PPM1A: variants seen among roughly 807,000 people sequenced by gnomAD.
PPM1A encodes protein phosphatase, Mg2+/Mn2+ dependent 1A, also known as protein phosphatase 1A.
In PPM1A, 7 loss-of-function variants were observed where a neutral mutation model predicts 35.0. The ratio of observed to expected loss-of-function variants is 0.20; its 90% CI spans 0.11 to 0.38. The LOEUF is 0.38. Ranked by LOEUF, PPM1A falls within the 10% of genes least tolerant of loss-of-function variation. PPM1A has a pLI of 1.00. For synonymous variants in PPM1A, 153 were observed against 167.3 expected (o/e 0.91, Z 0.66); for missense variants, 239 against 467.8 (o/e 0.51, Z 4.51).
At chr14:60,258,425 A>G (rs1883381379) in intron 1 of PPM1A, among the ~76,000 whole-genome samples, 1 of 152,148 alleles carries the variant, frequency 6.6e-6, no homozygotes, top group African/African-American at 2.4e-5. Context: ...GCTCAGGGAA[A>G]GAAAATGTGT....
intron 1 of PPM1A, among the ~76,000 whole-genome samples, chr14:60,279,665 C>T (rs1271353682): frequency 6.6e-6 from 1 of 152,166 alleles, no homozygotes; most frequent in East Asian, 1.9e-4. Context: ...TAGGGGAGTT[C>T]CTGTTTCTCC....
chr14:60,249,538 TC>T lies in PPM1A; in HGVS notation c.-156del. 1.0e-6 allele frequency: 1 copy of T among 984,198 alleles called. No homozygotes were observed. The highest frequency in any genetic ancestry group is 1.2e-6 in the Non-Finnish European group (1 of 829,158). The allele number at this position is 984,198 out of a possible 1,614,324, so 61.0% of individuals were successfully genotyped here. ...CCGGCTCCTCCCCTCCTCCGCCCCT[TC>T]CCCAGCCTGACCTGGCCCGCCGCTG... On this transcript the variant is annotated 5_prime_UTR_variant, in exon 1 of 6. Coordinates refer to ENST00000395076, the MANE Select transcript of PPM1A (RefSeq NM_021003.5). The surrounding 1 kb of genome is among the most constrained non-coding windows in gnomAD (Gnocchi z 4.5).
Position 60,250,322 on chromosome 14 carries a change from C to A in PPM1A, c.-21+645C>A, listed in dbSNP as rs1008399276. 25 of 529,220 alleles carry A rather than the reference C, an allele frequency of 4.7e-5. No individual in the cohort carries two copies. In the African/African-American group the frequency reaches 4.7e-4, roughly 10 times the overall value. 32.8% of individuals were successfully genotyped at this position (529,220 alleles called of 1,614,324 possible). ...TTCTTATCCTTTTAACTACGTAAAT[C>A]GGGTAAAACTTCTTGATGTTAGAGC... is the stretch of plus-strand genomic sequence containing the variant. On this transcript the variant is annotated intron_variant, in intron 1 of 5. Transcript: ENST00000395076.
chr14:60,268,300 G>A, intron 1 of PPM1A: 1 of 982,932 alleles, frequency 1.0e-6, no homozygotes, highest in Non-Finnish European at 1.2e-6. Flanking sequence ...CAGGTTTCTG[G>A]TCTTCACTCT....
intron 1 of PPM1A, among the ~76,000 whole-genome samples, chr14:60,253,625 T>C (rs1382048709): frequency 6.6e-6 from 1 of 152,194 alleles, no homozygotes; most frequent in Non-Finnish European, 1.5e-5. Flanking sequence ...AATGCAAGAC[T>C]AATGTTTTCT....
chr14:60,249,943 T>A lies in PPM1A; in HGVS notation c.-21+266T>A, dbSNP rs1882161635. Among the ~76,000 whole-genome samples, 1 of 151,470 alleles carries A rather than the reference T, an allele frequency of 6.6e-6. No homozygotes were observed. The highest frequency in any genetic ancestry group is 1.5e-5 in the Non-Finnish European group (1 of 67,750). Reference sequence around the variant, plus strand: ...GGCGCGGGGAGGGGGCGCGACCCTCTGGCCGTCCGCGGCCGAGATGGGTGT... The same window carrying A: ...GGCGCGGGGAGGGGGCGCGACCCTCAGGCCGTCCGCGGCCGAGATGGGTGT... On this transcript the variant is annotated intron_variant, in intron 1 of 5. Transcript: ENST00000395076. This position sits in a 1 kb window ranked among gnomAD's most constrained non-coding sequence, Gnocchi z 4.5.
chr14:60,285,593 C>G (rs1425706011), intron 2 of PPM1A, 31 bp from the exon 3 acceptor site: 1 of 1,607,670 alleles, frequency 6.2e-7, no homozygotes, highest in Non-Finnish European at 8.5e-7. Context: ...AAAAAGAAAA[C>G]TAAAATATTC....
upstream of PPM1A, among the ~76,000 whole-genome samples, chr14:60,247,627 C>CAAAAAAAAAAAA (rs58749853): frequency 6.0e-5 from 3 of 50,172 alleles, no homozygotes; most frequent in African/African-American, 2.1e-4. Context: ...GACTCTGTCT[C>CAAAAAAAAAAAA]AAAAAAAAAA....
intron 1 of PPM1A, among the ~76,000 whole-genome samples, chr14:60,271,203 C>T (rs954333536): frequency 3.4e-4 from 51 of 152,218 alleles, no homozygotes; most frequent in African/African-American, 1.2e-3. Context: ...GCTCTGTCTT[C>T]ACATCACCTT....
chr14:60,289,159 A>G lies in PPM1A; in HGVS notation c.953-647A>G, dbSNP rs1229669741. 6.6e-6 allele frequency among the ~76,000 whole-genome samples: 1 copy of G among 152,110 alleles called. No homozygotes were observed. The highest frequency in any genetic ancestry group is 2.4e-5 in the African/African-American group (1 of 41,434). ...TTATAAGGAAATTTAGACCTTTTCT[A>G]TTCAAGGCTTTGTTGAAGTAATCAG... On this transcript the variant is annotated intron_variant, in intron 3 of 5. Transcript: ENST00000395076. This position sits in a 1 kb window ranked among gnomAD's most constrained non-coding sequence, Gnocchi z 4.1.
chr14:60,268,258 GAT>G, intron 1 of PPM1A: 1 of 978,016 alleles, frequency 1.0e-6, no homozygotes, highest in Non-Finnish European at 1.2e-6. Flanking sequence ...TTTTTTGAGG[GAT>G]AGTTCTTTAA....
Position 60,292,457 on chromosome 14 carries a change from C to G in PPM1A, c.1124C>G (p.Ser375Cys). ...LNPYKNDDTDSTSTDDMW is the reference protein window; with the variant it reads ...LNPYKNDDTDCTSTDDMW ...ATTTTGCTTCCTTTTACAAAGGACT[C>G]TACATCAACAGATGATATGTGGTAA... The change falls in exon 6 of 6, where the codon TCT becomes TGT. Residue 375 changes from serine (S) to cysteine (C), a missense_variant. Physicochemically the swap from Ser to Cys is moderately radical, Grantham distance 112 (BLOSUM62 -1). Coordinates refer to ENST00000395076, the MANE Select transcript of PPM1A (RefSeq NM_021003.5). This position sits in a 1 kb window ranked among gnomAD's most constrained non-coding sequence, Gnocchi z 4.2. 6.2e-7 allele frequency: 1 copy of G among 1,601,858 alleles called. No individual in the cohort carries two copies. Among genetic ancestry groups the G allele is most frequent in the Non-Finnish European group, 8.5e-7 (1 of 1,170,024 alleles).
At position 60,292,279 on chromosome 14, in the gene PPM1A, A is replaced by G. The variant is rs1331296013; in HGVS notation, c.1120-174A>G. On this transcript the variant is annotated intron_variant, in intron 5 of 5. Coordinates refer to ENST00000395076, the MANE Select transcript of PPM1A (RefSeq NM_021003.5). The surrounding 1 kb of genome is among the most constrained non-coding windows in gnomAD (Gnocchi z 4.2). ...AAAGGATTAACAATTCTTTGAACAG[A>G]TTAAACATTGCTATTTCATATGTAC... Among the ~76,000 whole-genome samples the G allele has an allele frequency of 6.6e-6, 1 of 152,158 alleles. No homozygotes were observed. The highest frequency in any genetic ancestry group is 1.5e-5 in the Non-Finnish European group (1 of 67,998).
chr14:60,249,116 G>A, upstream of PPM1A: 1 of 607,834 alleles, frequency 1.6e-6, no homozygotes, highest in Non-Finnish European at 2.1e-6. This position sits in a 1 kb window ranked among gnomAD's most constrained non-coding sequence, Gnocchi z 4.5. Flanking sequence ...CTGTAGCTGC[G>A]CGCCGCGCCG....
At chr14:60,253,951 G>A (rs1314222027) in intron 1 of PPM1A, among the ~76,000 whole-genome samples, 1 of 152,100 alleles carries the variant, frequency 6.6e-6, no homozygotes, top group African/African-American at 2.4e-5. Context: ...TAAGCTACTT[G>A]ATTTCTTAAA....
rs1048047984 is a variant in PPM1A at position 60,293,940 on chromosome 14, C to T, written c.*1458C>T. On this transcript the variant is annotated 3_prime_UTR_variant, in exon 6 of 6. Coordinates refer to ENST00000395076, the MANE Select transcript of PPM1A (RefSeq NM_021003.5). The surrounding 1 kb of genome is among the most constrained non-coding windows in gnomAD (Gnocchi z 4.0). Reference sequence around the variant, plus strand: ...CATTGAAAAGATTACTGTTCCGTGCCCTTCTGTATTTTTGTCTCTTTAGGT... The same window carrying T: ...CATTGAAAAGATTACTGTTCCGTGCTCTTCTGTATTTTTGTCTCTTTAGGT... The T allele has an allele frequency of 6.6e-6, 1 of 151,748 alleles. No individual in the cohort carries two copies. The highest frequency in any genetic ancestry group is 6.6e-5 in the Admixed American group (1 of 15,180). 9.4% of individuals were successfully genotyped at this position (151,748 alleles called of 1,614,324 possible). A position where few individuals can be genotyped will look rare whatever the true frequency, so the allele number is the denominator to read the frequency against.
chr14:60,250,566 C>G, intron 1 of PPM1A: 1 of 326,980 alleles, frequency 3.1e-6, no homozygotes, highest in African/African-American at 2.2e-5. Flanking sequence ...GATCTGTGTG[C>G]TAGCCCCACC....
Position 60,273,806 on chromosome 14 carries a change from TAG to T in PPM1A, c.-20-8871_-20-8870del, listed in dbSNP as rs1292227753. On this transcript the variant is annotated intron_variant, in intron 1 of 5. Coordinates refer to ENST00000395076, the MANE Select transcript of PPM1A (RefSeq NM_021003.5). This position sits in a 1 kb window ranked among gnomAD's most constrained non-coding sequence, Gnocchi z 4.3. ...GATGATGGACTGATGGGAGATGAGG[TAG>T]AGAGAGGTATCAAAGATATCCTTAG... Among the ~76,000 whole-genome samples the T allele has an allele frequency of 6.6e-6, 1 of 151,980 alleles. No homozygotes were observed. Among genetic ancestry groups the T allele is most frequent in the South Asian group, 2.1e-4 (1 of 4,816 alleles).
intron 3 of PPM1A, chr14:60,286,611 C>T: frequency 2.0e-6 from 2 of 985,276 alleles, no homozygotes; most frequent in South Asian, 9.4e-5. Flanking sequence ...CCTCTAATCG[C>T]ATGCAAGCAT....
Sources: allele counts gnomAD v4.1 joint callset (sites outside exome capture counted in the v4.1 genomes callset), GRCh38; gene constraint gnomAD v4.1.1; non-coding constraint Gnocchi (gnomAD v3.1); transcripts MANE v1.5; gene names NCBI Gene and HGNC (gene_info 2026-07-23, HGNC 2026-07-21).